ZFAND6: variants seen among roughly 807,000 people sequenced by gnomAD.
The protein encoded by ZFAND6 is zinc finger AN1-type containing 6.
In ZFAND6, 12 loss-of-function variants were observed where a neutral mutation model predicts 24.5. That is an observed-to-expected ratio of 0.49 (90% CI 0.31 to 0.79). The LOEUF is 0.79. ZFAND6 is among the 30% of genes least tolerant of loss of function. ZFAND6 has a pLI of 0.04. For synonymous variants in ZFAND6, 92 were observed against 81.5 expected, an observed-to-expected ratio of 1.13 and a Z score of -0.69; for missense variants, 207 against 245.9, an observed-to-expected ratio of 0.84 and a Z score of 1.06.
chr15:80,072,204 T>C (rs997418653), intron 1 of ZFAND6, among the ~76,000 whole-genome samples: 31 of 152,158 alleles, frequency 2.0e-4, no homozygotes, highest in African/African-American at 7.0e-4. Flanking sequence ...AATCTGTCTT[T>C]AAAGCATAAC....
At chr15:80,104,536 A>ATCC (rs758998725) in intron 2 of ZFAND6, among the ~76,000 whole-genome samples, 28 of 146,640 alleles carry the variant, frequency 1.9e-4, no homozygotes, top group Non-Finnish European at 3.1e-4. Flanking sequence ...TCAGTCAGTC[A>ATCC]ATCCATCCAT....
At chr15:80,132,932 G>T (rs1356183937) in intron 6 of ZFAND6, among the ~76,000 whole-genome samples, 3 of 128,072 alleles carry the variant, frequency 2.3e-5, no homozygotes, top group African/African-American at 5.7e-5. Context: ...TCAGTGTAAG[G>T]ACTATTGTTA....
chr15:80,121,777 G>A lies in ZFAND6; in HGVS notation c.220G>A (p.Ala74Thr). 1 of 1,613,838 alleles carries A rather than the reference G, an allele frequency of 6.2e-7. No individual in the cohort carries two copies. Among genetic ancestry groups the A allele is most frequent in the Non-Finnish European group, 8.5e-7 (1 of 1,179,838 alleles). Residue 74 changes from alanine to threonine, a missense_variant, in exon 4 of 7, where the codon GCC (alanine) becomes ACC (threonine). Transcript: ENST00000261749. ...ATGCACAGATGGCAGTGTGCCAGAA[G>A]CCCAGTCAGCATTAGACTCTACATC... ...VQCTDGSVPE[A>T]QSALDSTSSS...
intron 2 of ZFAND6, 100 bp from the exon 3 acceptor site, chr15:80,120,228 A>G (rs2040086802): frequency 2.1e-6 from 2 of 961,218 alleles, no homozygotes; most frequent in Non-Finnish European, 2.9e-6. Flanking sequence ...ATAGTTTGAT[A>G]TATGTGGGCT....
intron 1 of ZFAND6, among the ~76,000 whole-genome samples, chr15:80,061,376 ATATT>A (rs1406539848): frequency 6.6e-6 from 1 of 152,174 alleles, no homozygotes; most frequent in East Asian, 1.9e-4. Context: ...TAACCAAAAT[ATATT>A]TAATACTACC....
chr15:80,080,179 TA>T (rs1424970534), intron 1 of ZFAND6, among the ~76,000 whole-genome samples: 1 of 152,012 alleles, frequency 6.6e-6, no homozygotes, highest in East Asian at 1.9e-4. Flanking sequence ...TGTATTTTAG[TA>T]GCTACGGGGT....
rs573940048 is a variant in ZFAND6, at chr15:80,119,675, CT to C, written c.-17-648del. Among the ~76,000 whole-genome samples, 1,351 of 151,702 alleles carry C rather than the reference CT, an allele frequency of 8.9e-3. 23 individuals are homozygous for C. The highest frequency in any genetic ancestry group is 0.031 in the African/African-American group (1,284 of 41,406). On this transcript the variant is annotated intron_variant, in intron 2 of 6. Transcript: ENST00000261749. ...AGCACATCCCTTATATTTTATTATT[CT>C]TTTTCTGATTATACTCTAGTCATTT...
chr15:80,127,764 C>G (rs1869186298), intron 5 of ZFAND6, among the ~76,000 whole-genome samples: 1 of 151,940 alleles, frequency 6.6e-6, no homozygotes, highest in Non-Finnish European at 1.5e-5. Context: ...TAATATGGTG[C>G]CAGATACTCT....
At chr15:80,074,817 A>G (rs1049457052) in intron 1 of ZFAND6, among the ~76,000 whole-genome samples, 1 of 152,040 alleles carries the variant, frequency 6.6e-6, no homozygotes, top group African/African-American at 2.4e-5. Context: ...TAACTGGCTT[A>G]TAAACTAGTT....
intron 2 of ZFAND6, among the ~76,000 whole-genome samples, chr15:80,116,100 G>GTTTTTTTTTTT (rs1388873474): frequency 7.3e-6 from 1 of 136,576 alleles, no homozygotes; most frequent in African/African-American, 2.7e-5. Flanking sequence ...TTTTTTTTTT[G>GTTTTTTTTTTT]TTTTTTTTTT....
chr15:80,063,727 T>C (rs2036460852), intron 1 of ZFAND6, among the ~76,000 whole-genome samples: 1 of 152,070 alleles, frequency 6.6e-6, no homozygotes. Context: ...ATTTTTGTAT[T>C]TTTAGTAGAG....
chr15:80,113,482 ATTT>A (rs144631890), intron 2 of ZFAND6, among the ~76,000 whole-genome samples: 1 of 151,934 alleles, frequency 6.6e-6, no homozygotes, highest in African/African-American at 2.4e-5. Flanking sequence ...TTTTCTCCCT[ATTT>A]TTTTCGGGAG....
chr15:80,080,267 G>A (rs1025510746), intron 1 of ZFAND6, among the ~76,000 whole-genome samples: 23 of 151,894 alleles, frequency 1.5e-4, no homozygotes, highest in Non-Finnish European at 2.9e-4. Flanking sequence ...AAAGGGCTAG[G>A]GTTACAGGCA....
rs75359349 is a variant in ZFAND6 at position 80,108,128 on chromosome 15, G to T, written c.-18+9550G>T. Among the ~76,000 whole-genome samples the T allele has an allele frequency of 0.02, 3,109 of 152,274 alleles. 229 individuals are homozygous for T. The East Asian group carries it at 0.22, about 11-fold the overall frequency. On this transcript the variant is annotated intron_variant, in intron 2 of 6. Transcript: ENST00000261749. ...TATTTATAAGTGCTTGGCACATAAA[G>T]TTCTATATAAGTATTGCTCAGTAAA...
rs374013069 is a variant in ZFAND6, at chr15:80,106,880, G to A, written c.-18+8302G>A. ...TGGGGTGACGTATCTCAAAATAGGTGAAAGAGGAAAAATACAATGAAGTGT... is the reference window on the plus strand; with the variant it reads ...TGGGGTGACGTATCTCAAAATAGGTAAAAGAGGAAAAATACAATGAAGTGT... On this transcript the variant is annotated intron_variant, in intron 2 of 6. Coordinates refer to ENST00000261749, the MANE Select transcript of ZFAND6 (RefSeq NM_019006.4). 2.8e-3 allele frequency among the ~76,000 whole-genome samples: 433 copies of A among 152,248 alleles called. 1 individual carries two copies. The highest frequency in any genetic ancestry group is 0.01 in the African/African-American group (420 of 41,542).
intron 1 of ZFAND6, among the ~76,000 whole-genome samples, chr15:80,080,638 C>A (rs760068981): frequency 1.1e-4 from 16 of 152,158 alleles, no homozygotes; most frequent in Non-Finnish European, 2.4e-4. Context: ...GTCATTCTTG[C>A]ATTACTATAC....
intron 6 of ZFAND6, 37 bp downstream of exon 6, chr15:80,131,330 T>C (rs1338847811): frequency 2.6e-5 from 41 of 1,561,958 alleles, no homozygotes; most frequent in Non-Finnish European, 3.4e-5. Context: ...ATTAAAATGA[T>C]GTTTTATAAT....
intron 5 of ZFAND6, among the ~76,000 whole-genome samples, chr15:80,126,039 G>A (rs1270067000): frequency 6.6e-6 from 1 of 152,156 alleles, no homozygotes; most frequent in East Asian, 1.9e-4. Context: ...ACACTCGAAT[G>A]ATGTCATATG....
At position 80,107,413 on chromosome 15, in the gene ZFAND6, T is replaced by A. The variant is rs1000302054; in HGVS notation, c.-18+8835T>A. 1.1e-4 allele frequency among the ~76,000 whole-genome samples: 16 copies of A among 152,282 alleles called. No individual in the cohort carries two copies. The East Asian group carries it at 3.1e-3, about 29-fold the overall frequency. On this transcript the variant is annotated intron_variant, in intron 2 of 6. Coordinates refer to ENST00000261749, the MANE Select transcript of ZFAND6 (RefSeq NM_019006.4). ...CGACAACTGTACTATTATAGTATGG[T>A]TTGGTGCCGCTGTCTTGATGGCATG...
Sources: allele counts gnomAD v4.1 joint callset (sites outside exome capture counted in the v4.1 genomes callset), GRCh38; gene constraint gnomAD v4.1.1; transcripts MANE v1.5; gene names NCBI Gene and HGNC (gene_info 2026-07-23, HGNC 2026-07-21).